SEMA6A: variants seen among roughly 807,000 people sequenced by gnomAD.
SEMA6A encodes semaphorin 6A.
SEMA6A carries 25 observed loss-of-function variants against 96.8 expected under a neutral mutation model. That is an observed-to-expected ratio of 0.26 (90% CI 0.19 to 0.36). The LOEUF (loss-of-function observed/expected upper bound fraction) is 0.36. SEMA6A is among the 10% of genes least tolerant of loss of function. The pLI is 1.00. For missense variants in SEMA6A, 1,363 were observed against 1,323.1 expected, an observed-to-expected ratio of 1.03 and a Z score of -0.47; for synonymous variants, 612 against 518.0, an observed-to-expected ratio of 1.18 and a Z score of -2.46.
intron 1 of SEMA6A, among the ~76,000 whole-genome samples, chr5:116,519,693 G>GCACACA (rs1290299020): frequency 4.9e-5 from 6 of 123,072 alleles, no homozygotes; most frequent in African/African-American, 1.8e-4. Flanking sequence ...ACACACACAC[G>GCACACA]CACACACATA....
intron 6 of SEMA6A, among the ~76,000 whole-genome samples, chr5:116,494,337 A>G (rs1312602073): frequency 2.6e-5 from 4 of 152,196 alleles, no homozygotes; most frequent in Non-Finnish European, 5.9e-5. Flanking sequence ...GACAAAGGTT[A>G]GGCATTGCCT....
intron 18 of SEMA6A, among the ~76,000 whole-genome samples, chr5:116,462,403 A>G (rs1580383124): frequency 6.6e-6 from 1 of 152,304 alleles, no homozygotes; most frequent in African/African-American, 2.4e-5. Context: ...ATAGATGAAA[A>G]GTGGAAAGGC....
intron 1 of SEMA6A, among the ~76,000 whole-genome samples, chr5:116,509,320 G>A (rs1339321884): frequency 6.6e-6 from 1 of 152,142 alleles, no homozygotes; most frequent in Admixed American, 6.5e-5. Flanking sequence ...ATTTTTCCCT[G>A]AGCAAAGTCA....
chr5:116,569,876 A>G lies in SEMA6A; in HGVS notation c.-39+4309T>C, dbSNP rs144497240. ...TTTTAAACCTAAGTTTGAGATGTCT[A>G]TTCAGGAGGAGCTACCTACCCACTA... On this transcript the variant is annotated intron_variant, in intron 1 of 18. Coordinates refer to ENST00000343348, the MANE Select transcript of SEMA6A (RefSeq NM_020796.5). Among the ~76,000 whole-genome samples, 449 of 152,334 alleles carry G rather than the reference A, an allele frequency of 2.9e-3. 2 individuals are homozygous for G. The highest frequency in any genetic ancestry group is 0.01 in the African/African-American group (431 of 41,572).
intron 2 of SEMA6A, 176 bp from the exon 3 acceptor site, chr5:116,502,503 C>A: frequency 1.8e-6 from 1 of 556,186 alleles, no homozygotes; most frequent in Non-Finnish European, 3.2e-6. Flanking sequence ...AAGAGTGCTC[C>A]TTAAGGTTCA....
intron 1 of SEMA6A, among the ~76,000 whole-genome samples, chr5:116,510,045 G>C (rs1259433326): frequency 6.6e-6 from 1 of 152,090 alleles, no homozygotes; most frequent in Non-Finnish European, 1.5e-5. Context: ...ATGAGGGGTA[G>C]AACGAACTCT....
intron 1 of SEMA6A, among the ~76,000 whole-genome samples, chr5:116,516,146 TAG>T (rs1376529834): frequency 6.6e-6 from 1 of 152,252 alleles, no homozygotes; most frequent in African/African-American, 2.4e-5. Flanking sequence ...AAGCCAAAAA[TAG>T]AGTTTCTATT....
intron 1 of SEMA6A, among the ~76,000 whole-genome samples, chr5:116,562,401 T>A (rs1760852070): frequency 6.6e-6 from 1 of 152,224 alleles, no homozygotes; most frequent in Non-Finnish European, 1.5e-5. Flanking sequence ...TATCTAACCT[T>A]TATCAGACCC....
chr5:116,486,958 G>A lies in SEMA6A; in HGVS notation c.753C>T (p.Phe251=), dbSNP rs770806027. The change falls in exon 10 of 19, where the codon TTC becomes TTT. Residue 251 remains phenylalanine (F), a synonymous_variant. Coordinates refer to ENST00000343348, the MANE Select transcript of SEMA6A (RefSeq NM_020796.5). ...VEYNTMGKVV[F]PRVAQVCKND... Reference sequence around the variant, plus strand: ...TCTTACAAACCTGAGCCACTCTTGGGAAAACTACCTGCAGAGGAAAAACAC... The same window carrying A: ...TCTTACAAACCTGAGCCACTCTTGGAAAAACTACCTGCAGAGGAAAAACAC... 1.2e-4 allele frequency: 195 copies of A among 1,612,738 alleles called. No homozygotes were observed. The highest frequency in any genetic ancestry group is 1.5e-4 in the Non-Finnish European group (177 of 1,179,074).
At chr5:116,493,089 G>C (rs539261183) in intron 6 of SEMA6A, among the ~76,000 whole-genome samples, 1 of 152,334 alleles carries the variant, frequency 6.6e-6, no homozygotes, top group East Asian at 1.9e-4. Flanking sequence ...GGCTACTGGA[G>C]CATGTCTCAG....
At chr5:116,484,401 C>A (rs1434615072) in intron 10 of SEMA6A, among the ~76,000 whole-genome samples, 1 of 152,126 alleles carries the variant, frequency 6.6e-6, no homozygotes, top group Non-Finnish European at 1.5e-5. Flanking sequence ...TTCCCATCTT[C>A]CGTTCATTCA....
At chr5:116,499,499 A>T (rs1757771881) in intron 3 of SEMA6A, among the ~76,000 whole-genome samples, 1 of 152,200 alleles carries the variant, frequency 6.6e-6, no homozygotes, top group Admixed American at 6.5e-5. Context: ...CTCTCAGAGC[A>T]ATGTTGAGAA....
chr5:116,515,689 A>T (rs1223918067), intron 1 of SEMA6A, among the ~76,000 whole-genome samples: 5 of 152,146 alleles, frequency 3.3e-5, no homozygotes, highest in African/African-American at 1.2e-4. Flanking sequence ...TCCTCTGTTT[A>T]CTCTCAGTAT....
At chr5:116,562,045 T>C (rs1016580461) in intron 1 of SEMA6A, among the ~76,000 whole-genome samples, 1 of 152,210 alleles carries the variant, frequency 6.6e-6, no homozygotes, top group African/African-American at 2.4e-5. Flanking sequence ...TTCTAACTTT[T>C]GACATCTCCT....
At chr5:116,472,635 C>G in intron 17 of SEMA6A, 1 of 428,014 alleles carries the variant, frequency 2.3e-6, no homozygotes, top group African/African-American at 2.1e-5. Context: ...ATGTATTCAC[C>G]AAATTCCCTA....
At chr5:116,471,803 G>T (rs1293489146) in intron 17 of SEMA6A, 2 of 152,196 alleles carry the variant, frequency 1.3e-5, no homozygotes, top group Non-Finnish European at 2.9e-5. Flanking sequence ...TTGACACAGG[G>T]AGTGAGAGTT....
intron 4 of SEMA6A, 121 bp from the exon 5 acceptor site, chr5:116,496,434 C>T: frequency 1.4e-6 from 1 of 708,766 alleles, no homozygotes; most frequent in East Asian, 2.9e-5. Context: ...CTTTCTGCAC[C>T]CTTTCTCCAT....
intron 18 of SEMA6A, among the ~76,000 whole-genome samples, chr5:116,450,570 C>T (rs1407301687): frequency 1.3e-5 from 2 of 152,290 alleles, no homozygotes; most frequent in African/African-American, 4.8e-5. Flanking sequence ...ATTTTAGACT[C>T]ATGAAAGCTA....
At chr5:116,491,660 C>T (rs154599) in intron 7 of SEMA6A, 80 bp downstream of exon 7, 841,944 of 1,059,028 alleles carry the variant, frequency 0.8, 335,069 homozygotes, top group African/African-American at 0.86. Context: ...TGTGACTCCA[C>T]GAATCCTCTA....
Sources: allele counts gnomAD v4.1 joint callset (sites outside exome capture counted in the v4.1 genomes callset), GRCh38; gene constraint gnomAD v4.1.1; transcripts MANE v1.5; gene names NCBI Gene and HGNC (gene_info 2026-07-23, HGNC 2026-07-21).